PLCXD1: variants seen among roughly 807,000 people sequenced by gnomAD.
PLCXD1 encodes the protein PI-PLC X domain-containing protein 1.
Under a neutral mutation model 37.8 loss-of-function variants are expected in PLCXD1, and 45 were observed. That is an observed-to-expected ratio of 1.19 (90% CI 0.94 to 1.53). PLCXD1 has a LOEUF of 1.53. PLCXD1 is among the 40% of genes most tolerant of loss of function. The pLI, the probability that PLCXD1 is intolerant of heterozygous loss-of-function variation, is 0.00. For missense variants in PLCXD1, 539 were observed against 454.7 expected (o/e 1.19, Z -1.69); for synonymous variants, 246 against 206.9 (o/e 1.19, Z -1.62).
intron 6 of PLCXD1, among the ~76,000 whole-genome samples, chrX:295,769 T>G (rs1431339592): frequency 1.4e-4 from 21 of 151,900 alleles, no homozygotes. Context: ...CCTCATGATC[T>G]GCCCGTCTCA....
Position 300,504 on chromosome X carries a change from GTA to G in PLCXD1, c.*1173_*1174del, listed in dbSNP as rs767487319. ...TATATGTGTGTATGTGTGTATATAT[GTA>G]TATGTGTGCATATGTGTATACGTGT... On this transcript the variant is annotated 3_prime_UTR_variant, in exon 7 of 7. Coordinates refer to ENST00000381657, the MANE Select transcript of PLCXD1 (RefSeq NM_018390.4). The G allele has an allele frequency of 0.27, 39,502 of 148,506 alleles. 5,624 individuals carry two copies. Among genetic ancestry groups the G allele is most frequent in the African/African-American group, 0.38 (14,763 of 38,498 alleles). 9.2% of individuals were successfully genotyped at this position (148,506 alleles called of 1,614,324 possible).
At chrX:290,362 G>A (rs957434655) in intron 3 of PLCXD1, among the ~76,000 whole-genome samples, 18 of 151,774 alleles carry the variant, frequency 1.2e-4, no homozygotes, top group African/African-American at 1.5e-4. Flanking sequence ...CCCGGGAGGC[G>A]GAGCTTGCAG....
In PLCXD1 at chrX:293,178, C is replaced by T. The variant is rs1417904518; in HGVS notation, c.693C>T (p.Leu231=). 5.0e-6 allele frequency: 8 copies of T among 1,612,574 alleles called. No individual in the cohort carries two copies. The highest frequency in any genetic ancestry group is 4.0e-5 in the African/African-American group (3 of 74,910). Residue 231 remains leucine, a synonymous_variant, in exon 6 of 7, where the codon CTC becomes CTT. Coordinates refer to ENST00000381657, the MANE Select transcript of PLCXD1 (RefSeq NM_018390.4). ...GAAACAGGGTGAAGACCGAGGCCCT[C>T]ATCCGATACCTGGAGACCATGAAGA... ...WWGNRVKTEA[L]IRYLETMKSC...
Position 299,989 on chromosome X carries a change from G to A in PLCXD1, c.*654G>A, listed in dbSNP as rs1043865490. 7.3e-5 allele frequency: 11 copies of A among 150,778 alleles called. No individual in the cohort carries two copies. The highest frequency in any genetic ancestry group is 2.7e-4 in the African/African-American group (11 of 40,812). 9.3% of individuals were successfully genotyped at this position (150,778 alleles called of 1,614,324 possible). A position where few individuals can be genotyped will look rare whatever the true frequency, so the allele number is the denominator to read the frequency against. The stretch of plus-strand genomic sequence containing the variant: ...AATGGCGTGAACCCGGGAGGTGGAG[G>A]TTGCATTGAGCTGAGATCGTGCCAC... On this transcript the variant is annotated 3_prime_UTR_variant, in exon 7 of 7. Transcript: ENST00000381657.
At chrX:290,241 C>G (rs966571201) in intron 3 of PLCXD1, among the ~76,000 whole-genome samples, 1 of 152,084 alleles carries the variant, frequency 6.6e-6, no homozygotes, top group Non-Finnish European at 1.5e-5. Context: ...TCCTGGCTAA[C>G]ATGTTGAAAC....
chrX:288,141 C>T (rs2069516205), intron 2 of PLCXD1, among the ~76,000 whole-genome samples: 1 of 150,794 alleles, frequency 6.6e-6, no homozygotes, highest in Non-Finnish European at 1.5e-5. Context: ...GCATTTAGGA[C>T]CCAGCACAAA....
rs2069988823 is a variant in PLCXD1 at position 300,635 on chromosome X, T to C, written c.*1300T>C. On this transcript the variant is annotated 3_prime_UTR_variant, in exon 7 of 7. Transcript: ENST00000381657. The stretch of plus-strand genomic sequence containing the variant: ...GCGTGTATACGTGTATGTATACATG[T>C]ATATGTGTGTATGCGTGTATATACA... 6.6e-6 allele frequency: 1 copy of C among 152,078 alleles called. No individual in the cohort carries two copies. The allele number at this position is 152,078 out of a possible 1,614,324, so 9.4% of individuals were successfully genotyped here.
Position 284,260 on chromosome X carries a change from T to A in PLCXD1, c.73T>A (p.Ser25Thr), listed in dbSNP as rs1354031358. 1 of 1,613,174 alleles carries A rather than the reference T, an allele frequency of 6.2e-7. No individual in the cohort carries two copies. The highest frequency in any genetic ancestry group is 8.5e-7 in the Non-Finnish European group (1 of 1,179,542). The stretch of plus-strand genomic sequence containing the variant: ...CAGAAATGCCAACGAGGACTGGATG[T>A]CGGCACTGTGTCCCCGGCTCTGGGA... Reference protein sequence around the residue: ...HCRNANEDWMSALCPRLWDVP... With the variant: ...HCRNANEDWMTALCPRLWDVP... Residue 25 changes from serine (S) to threonine (T), a missense_variant, in exon 2 of 7, where the codon TCG (serine) becomes ACG (threonine). Coordinates refer to ENST00000381657, the MANE Select transcript of PLCXD1 (RefSeq NM_018390.4).
intron 2 of PLCXD1, among the ~76,000 whole-genome samples, chrX:284,929 G>A (rs1421377437): frequency 6.6e-6 from 1 of 152,144 alleles, no homozygotes; most frequent in East Asian, 1.9e-4. Context: ...ACGATCACGA[G>A]AACAGCATGG....
At chrX:293,691 C>T (rs1297641276) in intron 6 of PLCXD1, among the ~76,000 whole-genome samples, 2 of 152,082 alleles carry the variant, frequency 1.3e-5, no homozygotes, top group Non-Finnish European at 2.9e-5. Flanking sequence ...TATTACACAG[C>T]CATGAAAAAG....
intron 6 of PLCXD1, among the ~76,000 whole-genome samples, chrX:294,129 G>A (rs947394021): frequency 2.0e-5 from 3 of 151,928 alleles, no homozygotes; most frequent in Admixed American, 1.3e-4. Flanking sequence ...CTGAGGTCAG[G>A]AGTTTGGAGA....
intron 3 of PLCXD1, among the ~76,000 whole-genome samples, chrX:289,419 C>T (rs993518197): frequency 8.6e-5 from 13 of 151,148 alleles, no homozygotes; most frequent in South Asian, 4.2e-4. Flanking sequence ...AAGCTAATGC[C>T]GTGAGCATCG....
rs762514497 is a variant in PLCXD1, at chrX:284,251, G to A, written c.64G>A (p.Asp22Asn). ...GCTGCACTGCAGAAATGCCAACGAG[G>A]ACTGGATGTCGGCACTGTGTCCCCG... is the stretch of plus-strand genomic sequence containing the variant. ...SRLHCRNANE[D>N]WMSALCPRLW... is the part of the protein sequence containing the mutation. The change falls in exon 2 of 7, where the codon GAC becomes AAC. Residue 22 changes from aspartate to asparagine, a missense_variant. By Grantham distance (23) the Asp-to-Asn change is conservative. Coordinates refer to ENST00000381657, the MANE Select transcript of PLCXD1 (RefSeq NM_018390.4). The A allele has an allele frequency of 9.9e-6, 16 of 1,613,180 alleles. No individual in the cohort carries two copies. Among genetic ancestry groups the A allele is most frequent in the Non-Finnish European group, 1.4e-5 (16 of 1,179,494 alleles).
intron 3 of PLCXD1, among the ~76,000 whole-genome samples, chrX:290,184 T>C (rs1317497779): frequency 3.3e-5 from 5 of 151,976 alleles, no homozygotes; most frequent in Non-Finnish European, 7.4e-5. Context: ...TCCCAGCACT[T>C]TGGGAGGCCA....
At chrX:287,825 C>T (rs1046911354) in intron 2 of PLCXD1, among the ~76,000 whole-genome samples, 1 of 151,548 alleles carries the variant, frequency 6.6e-6, no homozygotes, top group African/African-American at 2.4e-5. Flanking sequence ...ATGCAAACGT[C>T]AGCCATCAGT....
rs377049986 is a variant in PLCXD1, at chrX:291,058, C to T, written c.393+282C>T. On this transcript the variant is annotated intron_variant, in intron 4 of 6. Coordinates refer to ENST00000381657, the MANE Select transcript of PLCXD1 (RefSeq NM_018390.4). ...GCCACATGCAGATGTGGACAGGAAA[C>T]GCCCGGTCTTTAATGGAAGGGTGAC... 3.4e-4 allele frequency among the ~76,000 whole-genome samples: 51 copies of T among 152,046 alleles called. 2 individuals carry two copies. Among genetic ancestry groups the T allele is most frequent in the East Asian group, 2.9e-3 (15 of 5,164 alleles).
chrX:299,901 A>G lies in PLCXD1; in HGVS notation c.*566A>G, dbSNP rs2069948384. On this transcript the variant is annotated 3_prime_UTR_variant, in exon 7 of 7. Transcript: ENST00000381657. ...AAACCCCGTCTCTATTAAAAACACA[A>G]AAACTACCTGGGTGCGTGATGGGCA... is the stretch of plus-strand genomic sequence containing the variant. 1 of 155,322 alleles carries G rather than the reference A, an allele frequency of 6.4e-6. No homozygotes were observed. 9.6% of individuals were successfully genotyped at this position (155,322 alleles called of 1,614,324 possible).
rs1392706996 is a variant in PLCXD1 at position 283,052 on chromosome X, TTC to T, written c.-21-1113_-21-1112del. The stretch of plus-strand genomic sequence containing the variant: ...TATATAATATGTATATATGTATATA[TTC>T]TGTTATGTGTGTATGTGTGTGTGTG... On this transcript the variant is annotated intron_variant, in intron 1 of 6. Coordinates refer to ENST00000381657, the MANE Select transcript of PLCXD1 (RefSeq NM_018390.4). 3 of 101,914 alleles carry T rather than the reference TTC, an allele frequency of 2.9e-5. No homozygotes were observed. The East Asian group carries it at 8.3e-4, about 28-fold the overall frequency. The allele number at this position is 101,914 out of a possible 1,614,324, so 6.3% of individuals were successfully genotyped here. A position where few individuals can be genotyped will look rare whatever the true frequency, so the allele number is the denominator to read the frequency against.
chrX:295,373 G>A (rs1008799157), intron 6 of PLCXD1, among the ~76,000 whole-genome samples: 10 of 152,022 alleles, frequency 6.6e-5, no homozygotes, highest in Non-Finnish European at 1.3e-4. Flanking sequence ...TGCAGCCTGC[G>A]GCTGGGTTCT....
Sources: gnomAD v4.1 joint callset for allele counts (sites outside exome capture counted in the v4.1 genomes callset) on GRCh38, gnomAD v4.1.1 for gene constraint, MANE v1.5 for transcripts, NCBI Gene and HGNC (gene_info 2026-07-23, HGNC 2026-07-21) for gene names.